ITPKB: variants seen among roughly 807,000 people sequenced by gnomAD.
The protein encoded by ITPKB is IP3 3-kinase B.
In ITPKB, 13 loss-of-function variants were observed where a neutral mutation model predicts 69.4. The observed-to-expected ratio is 0.19, with a 90% confidence interval of 0.12 to 0.30. ITPKB has a LOEUF of 0.30. ITPKB is among the 10% of genes least tolerant of loss of function. The pLI, the probability that ITPKB is intolerant of heterozygous loss-of-function variation, is 1.00. For synonymous variants in ITPKB, 584 were observed against 513.7 expected, an observed-to-expected ratio of 1.14 and a Z score of -1.85; for missense variants, 1,240 against 1,250.5, an observed-to-expected ratio of 0.99 and a Z score of 0.13.
chr1:226,658,863 G>GCCCCTGCAGACCGGGAC (rs924785216), intron 2 of ITPKB, among the ~76,000 whole-genome samples: 1 of 152,152 alleles, frequency 6.6e-6, no homozygotes, highest in African/African-American at 2.4e-5. Flanking sequence ...GTCCTTACCA[G>GCCCCTGCAGACCGGGAC]CCCCTGCAGA....
At chr1:226,668,462 A>G (rs527292611) in intron 2 of ITPKB, among the ~76,000 whole-genome samples, 1 of 152,374 alleles carries the variant, frequency 6.6e-6, no homozygotes, top group East Asian at 1.9e-4. Context: ...CTGGAAGCAC[A>G]GTCATTGTAA....
At chr1:226,649,116 G>A (rs1397909394) in intron 2 of ITPKB, among the ~76,000 whole-genome samples, 2 of 152,210 alleles carry the variant, frequency 1.3e-5, no homozygotes, top group African/African-American at 4.8e-5. Context: ...TCTTGCCTGC[G>A]AGTGGTTTGA....
chr1:226,702,058 T>TCCAC (rs1656680953), intron 2 of ITPKB, among the ~76,000 whole-genome samples: 1 of 151,976 alleles, frequency 6.6e-6, no homozygotes, highest in Non-Finnish European at 1.5e-5. Flanking sequence ...ACAAGAAAAT[T>TCCAC]CCACCAGGTC....
Position 226,641,552 on chromosome 1 carries a change from C to T in ITPKB, c.2451+369G>A, listed in dbSNP as rs1668961958. On this transcript the variant is annotated intron_variant, in intron 5 of 7. Transcript: ENST00000429204. This position sits in a 1 kb window ranked among gnomAD's most constrained non-coding sequence, Gnocchi z 4.6. ...GCGGTCAGCATGCTCCTCCCTTCCCCGAATTGTCTGCCAGTCCCAGTTTGC... is the reference window on the plus strand; with the variant it reads ...GCGGTCAGCATGCTCCTCCCTTCCCTGAATTGTCTGCCAGTCCCAGTTTGC... Among the ~76,000 whole-genome samples the T allele has an allele frequency of 6.6e-6, 1 of 152,244 alleles. No individual in the cohort carries two copies.
intron 2 of ITPKB, among the ~76,000 whole-genome samples, chr1:226,703,381 G>T (rs1656714806): frequency 1.3e-5 from 2 of 152,216 alleles, no homozygotes; most frequent in South Asian, 4.1e-4. Flanking sequence ...GGTTCCCACC[G>T]CCCGACGCTG....
chr1:226,634,228 G>C lies in ITPKB; in HGVS notation c.*443C>G, dbSNP rs1459492867. On this transcript the variant is annotated 3_prime_UTR_variant, in exon 8 of 8. Coordinates refer to ENST00000429204, the MANE Select transcript of ITPKB (RefSeq NM_002221.4). This position sits in a 1 kb window ranked among gnomAD's most constrained non-coding sequence, Gnocchi z 6.3. ...GACCAGGAACCCGGCCGGCCCCCTG[G>C]GCTCTCCGGTGGGGAGGCCCCGGCA... 6.2e-6 allele frequency: 1 copy of C among 160,382 alleles called. No homozygotes were observed. Among genetic ancestry groups the C allele is most frequent in the Non-Finnish European group, 1.4e-5 (1 of 72,184 alleles). The allele number at this position is 160,382 out of a possible 1,614,324, so 9.9% of individuals were successfully genotyped here. A position where few individuals can be genotyped will look rare whatever the true frequency, so the allele number is the denominator to read the frequency against.
chr1:226,721,181 T>TAA (rs1267858750), intron 2 of ITPKB, among the ~76,000 whole-genome samples: 1 of 141,824 alleles, frequency 7.1e-6, no homozygotes. Context: ...CCGTCTCTAC[T>TAA]AAAAAAAAAA....
chr1:226,734,090 T>G (rs1446090389), intron 2 of ITPKB, among the ~76,000 whole-genome samples: 4 of 152,230 alleles, frequency 2.6e-5, no homozygotes, highest in Non-Finnish European at 4.4e-5. Flanking sequence ...GCCCATGCCT[T>G]CAGAAAGAAG....
chr1:226,671,878 T>C (rs1669624980), intron 2 of ITPKB, among the ~76,000 whole-genome samples: 1 of 152,190 alleles, frequency 6.6e-6, no homozygotes, highest in South Asian at 2.1e-4. Flanking sequence ...ATATCACATA[T>C]GAGGTCAGTT....
intron 2 of ITPKB, among the ~76,000 whole-genome samples, chr1:226,719,675 G>A (rs1439886079): frequency 1.3e-5 from 2 of 152,222 alleles, no homozygotes; most frequent in Non-Finnish European, 2.9e-5. Context: ...ACAACAGCTT[G>A]TACCTGTTGG....
chr1:226,721,366 A>T (rs969680453), intron 2 of ITPKB, among the ~76,000 whole-genome samples: 2 of 151,760 alleles, frequency 1.3e-5, no homozygotes, highest in African/African-American at 2.4e-5. Context: ...AAAAAAAAAA[A>T]AAAGAAATAA....
chr1:226,678,167 C>T (rs1203143021), intron 2 of ITPKB, among the ~76,000 whole-genome samples: 1 of 152,210 alleles, frequency 6.6e-6, no homozygotes, highest in Non-Finnish European at 1.5e-5. Context: ...CAAACCAGGA[C>T]ATGGACGCTA....
chr1:226,721,826 T>C (rs1657252625), intron 2 of ITPKB, among the ~76,000 whole-genome samples: 1 of 149,142 alleles, frequency 6.7e-6, no homozygotes, highest in African/African-American at 2.5e-5. Flanking sequence ...CTTTTTTTTT[T>C]TCTTGAGATG....
intron 2 of ITPKB, among the ~76,000 whole-genome samples, chr1:226,702,750 G>A (rs978542738): frequency 1.2e-4 from 18 of 152,184 alleles, no homozygotes; most frequent in African/African-American, 4.3e-4. Flanking sequence ...TCCCAACCGG[G>A]AAGCCTGGGG....
At chr1:226,656,077 G>C (rs1208338222) in intron 2 of ITPKB, among the ~76,000 whole-genome samples, 1 of 152,216 alleles carries the variant, frequency 6.6e-6, no homozygotes, top group African/African-American at 2.4e-5. Context: ...GGATGCTCAG[G>C]ACTTAGCTAA....
chr1:226,677,838 A>C (rs1255720665), intron 2 of ITPKB, among the ~76,000 whole-genome samples: 1 of 152,248 alleles, frequency 6.6e-6, no homozygotes, highest in Non-Finnish European at 1.5e-5. Flanking sequence ...GCAGGAAAAC[A>C]ACCATGTGGA....
At chr1:226,705,722 G>C (rs1656784328) in intron 2 of ITPKB, among the ~76,000 whole-genome samples, 1 of 152,176 alleles carries the variant, frequency 6.6e-6, no homozygotes, top group African/African-American at 2.4e-5. Context: ...GGCCTCCACA[G>C]TTGGAGGTTG....
In ITPKB at chr1:226,738,044, C is replaced by T. The variant is rs1657862974; in HGVS notation, c.-205-381G>A. 6.6e-6 allele frequency among the ~76,000 whole-genome samples: 1 copy of T among 152,190 alleles called. No individual in the cohort carries two copies. The highest frequency in any genetic ancestry group is 2.1e-4 in the South Asian group (1 of 4,828). On this transcript the variant is annotated intron_variant, in intron 1 of 7. Transcript: ENST00000429204. The surrounding 1 kb of genome is among the most constrained non-coding windows in gnomAD (Gnocchi z 4.2). ...CCCGGGCTGAGGACACCCCAGCCAC[C>T]GTCTCCGGGTCTCCCCAGCCTGAGC...
chr1:226,697,763 A>G (rs1656528530), intron 2 of ITPKB, among the ~76,000 whole-genome samples: 1 of 152,202 alleles, frequency 6.6e-6, no homozygotes, highest in African/African-American at 2.4e-5. Context: ...ACAATTCTCT[A>G]GGGTCCTCTG....
Sources: allele counts gnomAD v4.1 joint callset (sites outside exome capture counted in the v4.1 genomes callset), GRCh38; gene constraint gnomAD v4.1.1; non-coding constraint Gnocchi (gnomAD v3.1); transcripts MANE v1.5; gene names NCBI Gene and HGNC (gene_info 2026-07-23, HGNC 2026-07-21).